AGPAT5: variants seen among roughly 807,000 people sequenced by gnomAD.
AGPAT5 encodes 1-acyl-sn-glycerol-3-phosphate acyltransferase epsilon.
A neutral mutation model predicts 45.6 loss-of-function variants in AGPAT5; 46 were observed. That is an observed-to-expected ratio of 1.01 (90% CI 0.80 to 1.29). The LOEUF is 1.29. Among genes scored for constraint, AGPAT5 ranks in the 50% most tolerant of loss-of-function variants. The probability of loss-of-function intolerance (pLI) is 0.00; values close to 1 mark genes in which losing one functional copy is unlikely to be tolerated. For missense variants in AGPAT5, 673 were observed against 450.7 expected (o/e 1.49, Z -4.47); for synonymous variants, 272 against 167.0 (o/e 1.63, Z -4.85).
At position 6,757,395 on chromosome 8, in the gene AGPAT5, A is replaced by G. The variant is rs1801881370; in HGVS notation, c.*7A>G. Reference sequence around the variant, plus strand: ...GGTTACTATTAAAGCATAGACAAGTAGCTGTCTCCAGACAGTGGGATGTGC... The same window carrying G: ...GGTTACTATTAAAGCATAGACAAGTGGCTGTCTCCAGACAGTGGGATGTGC... On this transcript the variant is annotated 3_prime_UTR_variant, in exon 8 of 8. Coordinates refer to ENST00000285518, the MANE Select transcript of AGPAT5 (RefSeq NM_018361.5). 3.1e-6 allele frequency: 5 copies of G among 1,610,024 alleles called. No homozygotes were observed. The highest frequency in any genetic ancestry group is 4.3e-6 in the Non-Finnish European group (5 of 1,176,282).
intron 5 of AGPAT5, 120 bp from the exon 6 acceptor site, chr8:6,747,550 G>A: frequency 4.2e-6 from 4 of 945,364 alleles, no homozygotes; most frequent in Middle Eastern, 3.4e-4. Flanking sequence ...ATATGAGGTT[G>A]TGGAATTAAT....
rs940678321 is a variant in AGPAT5 at position 6,719,591 on chromosome 8, T to C, written c.220-5279T>C. Among the ~76,000 whole-genome samples the C allele has an allele frequency of 4.6e-5, 7 of 152,200 alleles. No individual in the cohort carries two copies. In the South Asian group the frequency reaches 8.3e-4, roughly 18 times the overall value. On this transcript the variant is annotated intron_variant, in intron 1 of 7. Transcript: ENST00000285518. ...AATATTTGCAAATCAGACATCACCA[T>C]TATCAGCACAAGCTAATAGCATCAT...
At chr8:6,744,412 G>A (rs1801356700) in intron 5 of AGPAT5, among the ~76,000 whole-genome samples, 1 of 152,222 alleles carries the variant, frequency 6.6e-6, no homozygotes, top group Non-Finnish European at 1.5e-5. Flanking sequence ...AAACTTGGTG[G>A]CTTAAAACAC....
In AGPAT5 at chr8:6,761,273, T is replaced by C. The variant is rs1563314269; in HGVS notation, c.*3885T>C. ...TCAGTTTTTCCATCCGGATTATTAT[T>C]GGTTCATGATTTTATATGTGAATAT... On this transcript the variant is annotated 3_prime_UTR_variant, in exon 8 of 8. Coordinates refer to ENST00000285518, the MANE Select transcript of AGPAT5 (RefSeq NM_018361.5). Among the ~76,000 whole-genome samples, 3 of 152,234 alleles carry C rather than the reference T, an allele frequency of 2.0e-5. No individual in the cohort carries two copies. Among genetic ancestry groups the C allele is most frequent in the Admixed American group, 2.0e-4 (3 of 15,280 alleles).
intron 6 of AGPAT5, among the ~76,000 whole-genome samples, chr8:6,749,577 T>C (rs1301619146): frequency 6.6e-6 from 1 of 152,226 alleles, no homozygotes; most frequent in Non-Finnish European, 1.5e-5. Context: ...TTGTTGTGCG[T>C]TGTATGTGCA....
intron 6 of AGPAT5, among the ~76,000 whole-genome samples, chr8:6,751,662 G>A (rs1420935088): frequency 6.6e-6 from 1 of 152,128 alleles, no homozygotes; most frequent in Non-Finnish European, 1.5e-5. Context: ...TTGTAATCAT[G>A]GAAGATGTCA....
intron 2 of AGPAT5, among the ~76,000 whole-genome samples, chr8:6,727,474 C>G (rs148201484): frequency 6.6e-6 from 1 of 152,074 alleles, no homozygotes; most frequent in South Asian, 2.1e-4. Context: ...CTTTGCCTCC[C>G]GGGTTCAAGC....
Position 6,758,133 on chromosome 8 carries a change from T to G in AGPAT5, c.*745T>G. ...TTAAATTTCCCAGCTTTTTGAAGAT[T>G]TAAGCTACACTATTAGTACTTCCCT... On this transcript the variant is annotated 3_prime_UTR_variant, in exon 8 of 8. Transcript: ENST00000285518. 1 of 152,336 alleles carries G rather than the reference T, an allele frequency of 6.6e-6. No individual in the cohort carries two copies. Among genetic ancestry groups the G allele is most frequent in the East Asian group, 1.9e-4 (1 of 5,204 alleles). The allele number at this position is 152,336 out of a possible 1,614,324, so 9.4% of individuals were successfully genotyped here.
At chr8:6,720,978 A>G (rs1300454418) in intron 1 of AGPAT5, among the ~76,000 whole-genome samples, 1 of 152,202 alleles carries the variant, frequency 6.6e-6, no homozygotes, top group East Asian at 1.9e-4. Flanking sequence ...GTGAAGTACT[A>G]TTTTGAAAGC....
At chr8:6,713,200 C>T (rs1307345112) in intron 1 of AGPAT5, among the ~76,000 whole-genome samples, 1 of 152,126 alleles carries the variant, frequency 6.6e-6, no homozygotes. Flanking sequence ...GAATTCCTGG[C>T]CTCAGGTGAT....
Position 6,757,449 on chromosome 8 carries a change from T to G in AGPAT5, c.*61T>G. 7.8e-7 allele frequency: 1 copy of G among 1,282,008 alleles called. No individual in the cohort carries two copies. Among genetic ancestry groups the G allele is most frequent in the Non-Finnish European group, 1.1e-6 (1 of 889,118 alleles). The allele number at this position is 1,282,008 out of a possible 1,614,324, so 79.4% of individuals were successfully genotyped here. A position where few individuals can be genotyped will look rare whatever the true frequency, so the allele number is the denominator to read the frequency against. On this transcript the variant is annotated 3_prime_UTR_variant, in exon 8 of 8. Transcript: ENST00000285518. ...ATTGTCTATTTTTGGCGGCTGCACA[T>G]GACATCAAATTGTTTCCTGAATTTA...
At chr8:6,726,856 C>T (rs1031025120) in intron 2 of AGPAT5, among the ~76,000 whole-genome samples, 11 of 152,108 alleles carry the variant, frequency 7.2e-5, no homozygotes, top group African/African-American at 1.2e-4. Context: ...TTTTGAAAGC[C>T]TTTTAAAATT....
rs1275154487 is a variant in AGPAT5, at chr8:6,730,679, A to G, written c.290-32A>G. The G allele has an allele frequency of 3.4e-6, 5 of 1,463,438 alleles. No homozygotes were observed. In the South Asian group the frequency reaches 3.5e-5, roughly 10 times the overall value. 90.7% of individuals were successfully genotyped at this position (1,463,438 alleles called of 1,614,324 possible). On this transcript the variant is annotated intron_variant, in intron 2 of 7. Coordinates refer to ENST00000285518, the MANE Select transcript of AGPAT5 (RefSeq NM_018361.5). ...CATAGTACAACCTGTGAAGAGCCTCATGTACGCGCTAACTGGGTCCTGTCT... is the reference window on the plus strand; with the variant it reads ...CATAGTACAACCTGTGAAGAGCCTCGTGTACGCGCTAACTGGGTCCTGTCT...
intron 4 of AGPAT5, among the ~76,000 whole-genome samples, chr8:6,733,066 A>T (rs971359433): frequency 6.6e-5 from 10 of 152,208 alleles, no homozygotes; most frequent in Non-Finnish European, 1.0e-4. Flanking sequence ...GTACAGAAAA[A>T]CCAAAAAAGG....
chr8:6,712,301 A>G (rs953393132), intron 1 of AGPAT5, among the ~76,000 whole-genome samples: 4 of 152,206 alleles, frequency 2.6e-5, no homozygotes, highest in African/African-American at 9.6e-5. Context: ...TGCATTCTGT[A>G]TAATAACCAA....
Position 6,736,190 on chromosome 8 carries a change from C to T in AGPAT5, c.495+3540C>T, listed in dbSNP as rs537049762. Among the ~76,000 whole-genome samples the T allele has an allele frequency of 2.6e-5, 4 of 152,270 alleles. No homozygotes were observed. In the South Asian group the frequency reaches 6.2e-4, roughly 24 times the overall value. ...TTTAACATCTAATGTTGACATCTTA[C>T]ATAACATGGTATATATTTGTCAAAA... is the stretch of plus-strand genomic sequence containing the variant. On this transcript the variant is annotated intron_variant, in intron 4 of 7. Transcript: ENST00000285518.
intron 6 of AGPAT5, among the ~76,000 whole-genome samples, chr8:6,752,556 G>A (rs771514616): frequency 2.5e-4 from 37 of 147,402 alleles, no homozygotes; most frequent in South Asian, 8.7e-4. Context: ...CCTGTGTGTT[G>A]CCTTCAGAGC....
chr8:6,724,109 A>G (rs6983943), intron 1 of AGPAT5, among the ~76,000 whole-genome samples: 4,321 of 152,324 alleles, frequency 0.028, 81 homozygotes, highest in African/African-American at 0.049. Context: ...ATACAGGTAC[A>G]TCGAACACCT....
At chr8:6,731,165 A>G (rs1304768078) in intron 3 of AGPAT5, among the ~76,000 whole-genome samples, 3 of 152,312 alleles carry the variant, frequency 2.0e-5, no homozygotes, top group East Asian at 1.9e-4. Context: ...CCAACCCTAT[A>G]AAAATGTTAT....
Sources: allele counts gnomAD v4.1 joint callset (sites outside exome capture counted in the v4.1 genomes callset), GRCh38; gene constraint gnomAD v4.1.1; transcripts MANE v1.5; gene names NCBI Gene and HGNC (gene_info 2026-07-23, HGNC 2026-07-21).